Variants in PHACTR3 observed in about 807,000 individuals in gnomAD.
The protein encoded by PHACTR3 is protein phosphatase 1, regulatory subunit 123.
In PHACTR3, 16 loss-of-function variants were observed where a neutral mutation model predicts 66.8. The observed-to-expected ratio is 0.24, with a 90% CI of 0.16 to 0.36. PHACTR3 has a LOEUF of 0.36. Ranked by LOEUF, PHACTR3 falls within the 10% of genes least tolerant of loss-of-function variation. The pLI is 1.00. For missense variants in PHACTR3, 647 were observed against 719.9 expected, an observed-to-expected ratio of 0.90 and a Z score of 1.16; for synonymous variants, 323 against 292.1, an observed-to-expected ratio of 1.11 and a Z score of -1.08.
chr20:59,734,309 G>C (rs1205758345), intron 1 of PHACTR3, among the ~76,000 whole-genome samples: 1 of 152,112 alleles, frequency 6.6e-6, no homozygotes, highest in African/African-American at 2.4e-5. Context: ...CCAGGCTGGA[G>C]CACAGTGGTG....
intron 7 of PHACTR3, among the ~76,000 whole-genome samples, chr20:59,797,358 G>T (rs1002236297): frequency 2.0e-5 from 3 of 151,838 alleles, no homozygotes; most frequent in Non-Finnish European, 4.4e-5. Context: ...AGTTACTGGA[G>T]AATTATTGTG....
At chr20:59,739,784 A>T (rs2039085075) in intron 1 of PHACTR3, among the ~76,000 whole-genome samples, 1 of 151,914 alleles carries the variant, frequency 6.6e-6, no homozygotes, top group African/African-American at 2.4e-5. Context: ...CTCATGCCCC[A>T]ACCCACCTAG....
chr20:59,605,146 C>T lies in PHACTR3; in HGVS notation c.118+14C>T, dbSNP rs1568928399. On this transcript the variant is annotated intron_variant, in intron 1 of 12. Coordinates refer to ENST00000371015, the MANE Select transcript of PHACTR3 (RefSeq NM_080672.5). ...GGGAGAACCCAGGTAACGGGCTGGG[C>T]GGGGGCGGCGGGCGGGTCGGGGAGG... The T allele has an allele frequency of 7.9e-6, 2 of 254,408 alleles. No individual in the cohort carries two copies. The highest frequency in any genetic ancestry group is 5.4e-5 in the South Asian group (1 of 18,544). The allele number at this position is 254,408 out of a possible 1,614,324, so 15.8% of individuals were successfully genotyped here.
chr20:59,810,090 C>G (rs1195506862), intron 8 of PHACTR3, among the ~76,000 whole-genome samples: 1 of 151,064 alleles, frequency 6.6e-6, no homozygotes, highest in Non-Finnish European at 1.5e-5. Flanking sequence ...ATCTAAACAA[C>G]AAAAAAAAAG....
At chr20:59,788,453 A>C (rs1054991283) in intron 7 of PHACTR3, among the ~76,000 whole-genome samples, 2 of 151,470 alleles carry the variant, frequency 1.3e-5, no homozygotes, top group African/African-American at 4.9e-5. Context: ...ATTAACCTCC[A>C]ACCCTGCTCT....
intron 9 of PHACTR3, among the ~76,000 whole-genome samples, chr20:59,838,532 G>C (rs2059004749): frequency 6.6e-6 from 1 of 152,100 alleles, no homozygotes; most frequent in South Asian, 2.1e-4. Flanking sequence ...CTGTGCCAGG[G>C]ACTATATTCA....
intron 7 of PHACTR3, among the ~76,000 whole-genome samples, chr20:59,793,017 C>G (rs181908816): frequency 6.6e-6 from 1 of 151,820 alleles, no homozygotes; most frequent in Non-Finnish European, 1.5e-5. Flanking sequence ...TCTGAGTAGC[C>G]GAGACTATAG....
At chr20:59,630,763 G>A (rs1368929214) in intron 1 of PHACTR3, among the ~76,000 whole-genome samples, 1 of 152,086 alleles carries the variant, frequency 6.6e-6, no homozygotes, top group African/African-American at 2.4e-5. Flanking sequence ...GCAGGGTCCA[G>A]TCCCGGCCAC....
In PHACTR3 at chr20:59,657,646, C is replaced by A. The variant is rs147783314; in HGVS notation, c.118+52514C>A. 1.5e-3 allele frequency among the ~76,000 whole-genome samples: 226 copies of A among 152,226 alleles called. 2 individuals are homozygous for A. The highest frequency in any genetic ancestry group is 5.3e-3 in the African/African-American group (221 of 41,542). ...ATTTCATCCCACTGCCTTTTGGACT[C>A]CATTACTTCTGATAGAAGTCTGCTG... On this transcript the variant is annotated intron_variant, in intron 1 of 12. Coordinates refer to ENST00000371015, the MANE Select transcript of PHACTR3 (RefSeq NM_080672.5).
At chr20:59,751,388 T>G (rs1320237566) in intron 3 of PHACTR3, among the ~76,000 whole-genome samples, 3 of 152,190 alleles carry the variant, frequency 2.0e-5, no homozygotes, top group African/African-American at 7.2e-5. Flanking sequence ...GAGCCTCATT[T>G]GAGCCCCCTC....
intron 1 of PHACTR3, among the ~76,000 whole-genome samples, chr20:59,677,041 T>C (rs2036473285): frequency 6.6e-6 from 1 of 151,724 alleles, no homozygotes. Context: ...CCAGAAAGAG[T>C]CACGAAGGTC....
chr20:59,834,408 A>C (rs1363742126), intron 8 of PHACTR3, among the ~76,000 whole-genome samples: 37 of 152,194 alleles, frequency 2.4e-4, no homozygotes, highest in Admixed American at 2.4e-3. Flanking sequence ...ACTCAGATAC[A>C]TTCAGAAGCG....
At chr20:59,825,840 G>T (rs952722866) in intron 8 of PHACTR3, among the ~76,000 whole-genome samples, 3 of 152,182 alleles carry the variant, frequency 2.0e-5, no homozygotes, top group African/African-American at 7.2e-5. Context: ...CCAGTATGAT[G>T]GTGGTTGTAC....
intron 1 of PHACTR3, among the ~76,000 whole-genome samples, chr20:59,637,087 G>A (rs1271263821): frequency 1.3e-5 from 2 of 152,202 alleles, no homozygotes; most frequent in African/African-American, 2.4e-5. Flanking sequence ...GCTCCCTGTG[G>A]GGCTGTCTGC....
intron 4 of PHACTR3, among the ~76,000 whole-genome samples, chr20:59,758,268 A>G (rs1311750764): frequency 6.6e-6 from 1 of 152,218 alleles, no homozygotes; most frequent in Non-Finnish European, 1.5e-5. Flanking sequence ...ATGTTCAATT[A>G]ATAATGAAAA....
intron 1 of PHACTR3, among the ~76,000 whole-genome samples, chr20:59,724,124 G>T (rs569163335): frequency 6.6e-6 from 1 of 152,290 alleles, no homozygotes; most frequent in Admixed American, 6.5e-5. Context: ...TGGCGCCTGG[G>T]CTGGCCAACG....
chr20:59,583,554 C>A (rs66768740), intron 1 of PHACTR3, among the ~76,000 whole-genome samples: 5,636 of 152,348 alleles, frequency 0.037, 172 homozygotes, highest in Middle Eastern at 0.082. Context: ...GGGAGGCTCC[C>A]CGCGTGCCCG....
rs930235031 is a variant in PHACTR3 at position 59,820,989 on chromosome 20, T to A, written c.1328+14795T>A. ...CCACACAGTCCTGCTTCACCCAGGA[T>A]CGGGGCTTAGCGTGTGTGAGTAGTA... On this transcript the variant is annotated intron_variant, in intron 8 of 12. Transcript: ENST00000371015. This position sits in a 1 kb window ranked among gnomAD's most constrained non-coding sequence, Gnocchi z 4.6. Among the ~76,000 whole-genome samples the A allele has an allele frequency of 1.3e-5, 2 of 152,110 alleles. No homozygotes were observed. The highest frequency in any genetic ancestry group is 1.3e-4 in the Admixed American group (2 of 15,266).
chr20:59,766,315 G>A (rs2040180422), intron 4 of PHACTR3, among the ~76,000 whole-genome samples: 1 of 152,228 alleles, frequency 6.6e-6, no homozygotes, highest in African/African-American at 2.4e-5. Flanking sequence ...TCCTGCAATA[G>A]TAGGCAAGGG....
Sources: allele counts gnomAD v4.1 joint callset (sites outside exome capture counted in the v4.1 genomes callset), GRCh38; gene constraint gnomAD v4.1.1; non-coding constraint Gnocchi (gnomAD v3.1); transcripts MANE v1.5; gene names NCBI Gene and HGNC (gene_info 2026-07-23, HGNC 2026-07-21).